GRIA4: variants seen among roughly 807,000 people sequenced by gnomAD.
GRIA4 encodes glutamate receptor 4.
GRIA4 carries 34 observed loss-of-function variants against 104.0 expected under a neutral mutation model. The observed-to-expected ratio is 0.33, with a 90% CI of 0.25 to 0.44. The LOEUF is 0.44. Among genes scored for constraint, GRIA4 ranks in the 20% least tolerant of loss-of-function variants. GRIA4 has a pLI of 1.00. For synonymous variants in GRIA4, 386 were observed against 381.9 expected (o/e 1.01, Z -0.13); for missense variants, 750 against 1,096.5 (o/e 0.68, Z 4.46).
chr11:105,949,264 A>G (rs897409017), intron 14 of GRIA4, among the ~76,000 whole-genome samples: 2 of 152,234 alleles, frequency 1.3e-5, no homozygotes, highest in Admixed American at 1.3e-4. Context: ...TTTAAAACAC[A>G]CTTCATATCA....
intron 4 of GRIA4, among the ~76,000 whole-genome samples, chr11:105,815,919 A>G (rs1159202406): frequency 1.3e-5 from 2 of 152,178 alleles, no homozygotes; most frequent in African/African-American, 4.8e-5. Context: ...CAGTAAAGCT[A>G]CACATTTCCA....
chr11:105,722,696 G>A (rs574828804), intron 3 of GRIA4, among the ~76,000 whole-genome samples: 28 of 151,724 alleles, frequency 1.8e-4, no homozygotes, highest in Non-Finnish European at 3.5e-4. Context: ...GTGCTTTTCT[G>A]CAATTATATT....
intron 3 of GRIA4, among the ~76,000 whole-genome samples, chr11:105,749,135 T>C (rs138306793): frequency 6.6e-6 from 1 of 152,272 alleles, no homozygotes; most frequent in East Asian, 1.9e-4. Flanking sequence ...CAAAGAAGCA[T>C]TTGAAAGAAA....
chr11:105,794,453 CTG>C (rs1222922432), intron 4 of GRIA4, among the ~76,000 whole-genome samples: 1 of 40,776 alleles, frequency 2.5e-5, no homozygotes, highest in Non-Finnish European at 4.8e-5. Context: ...GTGTGTGTGT[CTG>C]TGTGTGTGTA....
intron 5 of GRIA4, among the ~76,000 whole-genome samples, chr11:105,872,095 T>C (rs942321883): frequency 1.3e-5 from 2 of 152,108 alleles, no homozygotes; most frequent in African/African-American, 2.4e-5. Flanking sequence ...CTATTGAGAC[T>C]TCACTGTACA....
At chr11:105,647,339 T>G (rs1281403284) in intron 3 of GRIA4, among the ~76,000 whole-genome samples, 2 of 152,156 alleles carry the variant, frequency 1.3e-5, no homozygotes, top group Non-Finnish European at 2.9e-5. Flanking sequence ...TATACATTGT[T>G]GGTGGGAGTG....
intron 9 of GRIA4, among the ~76,000 whole-genome samples, chr11:105,909,025 T>G (rs2136159407): frequency 6.6e-6 from 1 of 152,286 alleles, no homozygotes; most frequent in Middle Eastern, 3.4e-3. Flanking sequence ...ACATAATTAT[T>G]AATAAATGTC....
intron 10 of GRIA4, among the ~76,000 whole-genome samples, chr11:105,916,761 T>C (rs1947418345): frequency 6.6e-6 from 1 of 152,198 alleles, no homozygotes; most frequent in South Asian, 2.1e-4. Flanking sequence ...GTTCAGATAT[T>C]GCAGACACTT....
At chr11:105,892,509 A>C (rs1486743969) in intron 6 of GRIA4, among the ~76,000 whole-genome samples, 2 of 151,984 alleles carry the variant, frequency 1.3e-5, no homozygotes, top group Non-Finnish European at 2.9e-5. Flanking sequence ...TTCAGAACAT[A>C]AAGGAAATTA....
chr11:105,631,244 AGCCCCGCTGG>A (rs2135310293), intron 3 of GRIA4, among the ~76,000 whole-genome samples: 1 of 152,316 alleles, frequency 6.6e-6, no homozygotes, highest in African/African-American at 2.4e-5. Flanking sequence ...GGAGGCAGCC[AGCCCCGCTGG>A]GGCTAGTGCA....
intron 6 of GRIA4, among the ~76,000 whole-genome samples, chr11:105,894,365 C>G (rs984801817): frequency 6.6e-6 from 1 of 152,076 alleles, no homozygotes; most frequent in Admixed American, 6.6e-5. Context: ...TTCACCCCCC[C>G]GAGCCTGTTT....
intron 4 of GRIA4, among the ~76,000 whole-genome samples, chr11:105,798,242 G>A (rs1942572907): frequency 6.6e-6 from 1 of 152,072 alleles, no homozygotes; most frequent in South Asian, 2.1e-4. Context: ...AGGATATGAA[G>A]TATAAGATAA....
chr11:105,856,433 G>A (rs1418456063), intron 4 of GRIA4, among the ~76,000 whole-genome samples: 6 of 136,974 alleles, frequency 4.4e-5, no homozygotes, highest in African/African-American at 1.9e-4. Context: ...ATAAACTGAA[G>A]TTTTTGAAGC....
chr11:105,762,138 C>T (rs1244854447), intron 4 of GRIA4, among the ~76,000 whole-genome samples: 1 of 152,052 alleles, frequency 6.6e-6, no homozygotes, highest in Non-Finnish European at 1.5e-5. Context: ...ATTCTCATGC[C>T]TCGGCCTCCC....
chr11:105,666,452 T>C (rs963721397), intron 3 of GRIA4, among the ~76,000 whole-genome samples: 11 of 151,970 alleles, frequency 7.2e-5, no homozygotes, highest in Non-Finnish European at 1.5e-5. Flanking sequence ...CCTTCATGGT[T>C]TCTGGATTGC....
At chr11:105,841,700 C>A (rs1279443020) in intron 4 of GRIA4, among the ~76,000 whole-genome samples, 1 of 152,076 alleles carries the variant, frequency 6.6e-6, no homozygotes, top group Non-Finnish European at 1.5e-5. Context: ...CTTGGCAAGT[C>A]CAGATGGGTG....
At chr11:105,822,711 A>G (rs1376526537) in intron 4 of GRIA4, among the ~76,000 whole-genome samples, 1 of 152,148 alleles carries the variant, frequency 6.6e-6, no homozygotes, top group Non-Finnish European at 1.5e-5. Context: ...GTATGTTTTA[A>G]TATCTTCTTA....
chr11:105,937,946 A>T (rs1474822475), intron 14 of GRIA4, among the ~76,000 whole-genome samples: 1 of 152,142 alleles, frequency 6.6e-6, no homozygotes, highest in Non-Finnish European at 1.5e-5. Flanking sequence ...ACAACAGGCA[A>T]CTCAGAGCCC....
intron 4 of GRIA4, among the ~76,000 whole-genome samples, chr11:105,776,995 T>C (rs977279961): frequency 8.5e-5 from 13 of 152,158 alleles, no homozygotes; most frequent in African/African-American, 3.1e-4. Context: ...TACCCAGTTT[T>C]ATCCAGGGAG....
Sources: allele counts gnomAD v4.1 joint callset (sites outside exome capture counted in the v4.1 genomes callset), GRCh38; gene constraint gnomAD v4.1.1; transcripts MANE v1.5; gene names NCBI Gene and HGNC (gene_info 2026-07-23, HGNC 2026-07-21).